PRKCE: variants seen among roughly 807,000 people sequenced by gnomAD.
The protein encoded by PRKCE is protein kinase C epsilon.
In PRKCE, 16 loss-of-function variants were observed where a neutral mutation model predicts 85.4. That is an observed-to-expected ratio of 0.19 (90% confidence interval 0.13 to 0.28). PRKCE has a LOEUF of 0.28. PRKCE is among the 10% of genes least tolerant of loss of function. The pLI is 1.00. For synonymous variants in PRKCE, 388 were observed against 371.5 expected, an observed-to-expected ratio of 1.04 and a Z score of -0.51; for missense variants, 573 against 975.2, an observed-to-expected ratio of 0.59 and a Z score of 5.49.
At chr2:45,864,765 T>A (rs1693450113) in intron 2 of PRKCE, among the ~76,000 whole-genome samples, 1 of 152,240 alleles carries the variant, frequency 6.6e-6, no homozygotes, top group East Asian at 1.9e-4. Flanking sequence ...TGACTTCAGC[T>A]TCTCTTTTGA....
chr2:45,802,820 C>T (rs976365933), intron 1 of PRKCE, among the ~76,000 whole-genome samples: 4 of 152,208 alleles, frequency 2.6e-5, no homozygotes, highest in Non-Finnish European at 5.9e-5. Context: ...GACGTATAAA[C>T]ATGCACAGTA....
intron 1 of PRKCE, among the ~76,000 whole-genome samples, chr2:45,734,702 C>T (rs892427613): frequency 6.6e-6 from 1 of 152,076 alleles, no homozygotes; most frequent in African/African-American, 2.4e-5. Flanking sequence ...TTTTTTGATG[C>T]GCAGATCCCC....
intron 2 of PRKCE, among the ~76,000 whole-genome samples, chr2:45,924,148 A>G (rs1284460284): frequency 1.3e-5 from 2 of 152,146 alleles, no homozygotes; most frequent in Non-Finnish European, 2.9e-5. Context: ...AGGGACTTTC[A>G]TGGGAACCTT....
chr2:45,944,655 A>ATTTTTTTTTTTTTTTTTTT (rs71394861), intron 2 of PRKCE, among the ~76,000 whole-genome samples: 1 of 75,628 alleles, frequency 1.3e-5, no homozygotes, highest in Non-Finnish European at 2.4e-5. Flanking sequence ...TACCCGGCTA[A>ATTTTTTTTTTTTTTTTTTT]TTTTTTTTTT....
intron 14 of PRKCE, among the ~76,000 whole-genome samples, chr2:46,171,949 G>A (rs1235844999): frequency 1.3e-5 from 2 of 152,192 alleles, no homozygotes; most frequent in African/African-American, 2.4e-5. Context: ...TATATAGGAG[G>A]GGACTAGCCT....
intron 2 of PRKCE, among the ~76,000 whole-genome samples, chr2:45,904,296 C>T (rs1305717095): frequency 2.0e-5 from 3 of 152,064 alleles, no homozygotes; most frequent in East Asian, 1.9e-4. Flanking sequence ...GCGTGCGAAC[C>T]GAGAAGTCTT....
rs577653164 is a variant in PRKCE, at chr2:45,710,771, A to T, written c.348+58323A>T. On this transcript the variant is annotated intron_variant, in intron 1 of 14. Transcript: ENST00000306156. ...AGAGATGCTCAGGCCTGACTGATAT[A>T]CCATTGTTTGCCACCCTGATGTTTC... Among the ~76,000 whole-genome samples the T allele has an allele frequency of 2.6e-5, 4 of 152,234 alleles. No individual in the cohort carries two copies. The South Asian group carries it at 6.2e-4, about 24-fold the overall frequency.
intron 1 of PRKCE, among the ~76,000 whole-genome samples, chr2:45,791,941 CG>C (rs1687069043): frequency 6.6e-6 from 1 of 152,192 alleles, no homozygotes; most frequent in Non-Finnish European, 1.5e-5. Flanking sequence ...ACCTGTTCCA[CG>C]GGGTATTTGT....
At chr2:45,741,121 G>C (rs997083517) in intron 1 of PRKCE, among the ~76,000 whole-genome samples, 2 of 152,198 alleles carry the variant, frequency 1.3e-5, no homozygotes, top group Non-Finnish European at 1.5e-5. Flanking sequence ...TTTGAATGCT[G>C]GCTTCGGGGA....
At chr2:45,763,927 G>C (rs547351519) in intron 1 of PRKCE, among the ~76,000 whole-genome samples, 2 of 152,296 alleles carry the variant, frequency 1.3e-5, no homozygotes, top group East Asian at 3.9e-4. Context: ...TCTCCACTTA[G>C]ATCTGACATC....
Position 46,151,154 on chromosome 2 carries a change from A to C in PRKCE, c.1845A>C (p.Leu615=). The change falls in exon 13 of 15, where the codon CTA becomes CTC. Residue 615 remains leucine (L), a synonymous_variant. Coordinates refer to ENST00000306156, the MANE Select transcript of PRKCE (RefSeq NM_005400.3). ...TTGAGGCCGACAATGAGGACGACCT[A>C]TTTGAGTCCATCCTCCATGACGACG... ...PPFEADNEDD[L]FESILHDDVL... The C allele has an allele frequency of 1.3e-6, 2 of 1,599,542 alleles. No individual in the cohort carries two copies. The highest frequency in any genetic ancestry group is 2.2e-5 in the South Asian group (2 of 91,082).
intron 10 of PRKCE, among the ~76,000 whole-genome samples, chr2:46,045,373 C>T (rs899897433): frequency 3.3e-5 from 5 of 152,266 alleles, no homozygotes; most frequent in South Asian, 2.1e-4. Context: ...CAATTTTGAC[C>T]GTCCTCTTTG....
chr2:45,783,692 A>T (rs1248110516), intron 1 of PRKCE, among the ~76,000 whole-genome samples: 1 of 152,222 alleles, frequency 6.6e-6, no homozygotes, highest in Admixed American at 6.5e-5. Flanking sequence ...TGGTCTGCAG[A>T]TGAGGGGATG....
chr2:45,671,388 A>G (rs1274260336), intron 1 of PRKCE, among the ~76,000 whole-genome samples: 1 of 152,200 alleles, frequency 6.6e-6, no homozygotes, highest in Admixed American at 6.5e-5. Flanking sequence ...GCACGGGTAT[A>G]TAGTCTCCCA....
chr2:46,183,310 C>T (rs1356394748), intron 14 of PRKCE, among the ~76,000 whole-genome samples: 1 of 152,204 alleles, frequency 6.6e-6, no homozygotes, highest in Non-Finnish European at 1.5e-5. Flanking sequence ...GGGTAGAAAA[C>T]ATGGCTTTAT....
chr2:45,971,543 G>A (rs1325142847), intron 2 of PRKCE, among the ~76,000 whole-genome samples: 1 of 152,160 alleles, frequency 6.6e-6, no homozygotes, highest in Non-Finnish European at 1.5e-5. Flanking sequence ...CTTTTACTTA[G>A]TCATCTGTGT....
At chr2:45,743,560 T>C (rs1467375545) in intron 1 of PRKCE, among the ~76,000 whole-genome samples, 1 of 152,032 alleles carries the variant, frequency 6.6e-6, no homozygotes, top group African/African-American at 2.4e-5. Flanking sequence ...GGGGAGCTGA[T>C]GTAGGAAGTT....
At chr2:45,661,987 G>C (rs967563790) in intron 1 of PRKCE, among the ~76,000 whole-genome samples, 1 of 152,184 alleles carries the variant, frequency 6.6e-6, no homozygotes, top group African/African-American at 2.4e-5. Context: ...TCCCCAGGCA[G>C]ATATAAGCAT....
intron 6 of PRKCE, among the ~76,000 whole-genome samples, chr2:45,995,182 G>C (rs1253116356): frequency 1.3e-5 from 2 of 152,056 alleles, no homozygotes; most frequent in Non-Finnish European, 2.9e-5. Context: ...GGATAATATA[G>C]GCATATATTA....
Sources: allele counts gnomAD v4.1 joint callset (sites outside exome capture counted in the v4.1 genomes callset), GRCh38; gene constraint gnomAD v4.1.1; transcripts MANE v1.5; gene names NCBI Gene and HGNC (gene_info 2026-07-23, HGNC 2026-07-21).